Variants in LNX2 observed in about 807,000 individuals in gnomAD.
LNX2 encodes the protein ligand of Numb protein X 2.
In LNX2, 35 loss-of-function variants were observed where a neutral mutation model predicts 66.2. The ratio of observed to expected loss-of-function variants is 0.53; its 90% CI spans 0.40 to 0.70. LNX2 has a LOEUF of 0.70. Among genes scored for constraint, LNX2 ranks in the 30% least tolerant of loss-of-function variants. The probability of loss-of-function intolerance (pLI) is 0.00; values close to 1 mark genes in which losing one functional copy is unlikely to be tolerated. For missense variants in LNX2, 791 were observed against 850.8 expected (o/e 0.93, Z 0.87); for synonymous variants, 337 against 315.6 (o/e 1.07, Z -0.72).
intron 1 of LNX2, among the ~76,000 whole-genome samples, chr13:27,600,145 G>A (rs1955641388): frequency 1.3e-5 from 2 of 152,146 alleles, no homozygotes; most frequent in Non-Finnish European, 2.9e-5. Context: ...TTACTCTGGA[G>A]AGCTCACAGA....
chr13:27,573,611 G>T (rs528046850), intron 2 of LNX2, among the ~76,000 whole-genome samples: 9 of 150,754 alleles, frequency 6.0e-5, no homozygotes, highest in Non-Finnish European at 1.3e-4. Flanking sequence ...TGTCAGTGGC[G>T]TGAGTGTTGA....
chr13:27,551,066 T>A (rs1259216299), intron 8 of LNX2, among the ~76,000 whole-genome samples: 1 of 152,226 alleles, frequency 6.6e-6, no homozygotes, highest in East Asian at 1.9e-4. Flanking sequence ...AGGGAGACTC[T>A]AATTGCCAAA....
chr13:27,591,709 GA>G (rs1955548020), intron 1 of LNX2, among the ~76,000 whole-genome samples: 1 of 152,130 alleles, frequency 6.6e-6, no homozygotes, highest in Non-Finnish European at 1.5e-5. Flanking sequence ...CTGCCCTTGT[GA>G]AGTTAACAGG....
intron 2 of LNX2, among the ~76,000 whole-genome samples, chr13:27,575,712 C>T (rs780410108): frequency 1.5e-4 from 23 of 152,082 alleles, no homozygotes; most frequent in South Asian, 4.1e-4. Context: ...CAGCCAACTC[C>T]TCATATATTG....
intron 1 of LNX2, among the ~76,000 whole-genome samples, chr13:27,602,912 TTG>T (rs1955674628): frequency 1.3e-5 from 2 of 152,196 alleles, no homozygotes; most frequent in Non-Finnish European, 2.9e-5. Flanking sequence ...TTAAATCTAT[TTG>T]TAAGATACAG....
chr13:27,615,211 C>T (rs1177236665), intron 1 of LNX2, among the ~76,000 whole-genome samples: 1 of 152,230 alleles, frequency 6.6e-6, no homozygotes, highest in East Asian at 1.9e-4. Flanking sequence ...CCCATAACCC[C>T]TCTTTGGGTT....
chr13:27,619,371 T>C (rs1955865924), intron 1 of LNX2, among the ~76,000 whole-genome samples: 1 of 152,216 alleles, frequency 6.6e-6, no homozygotes, highest in African/African-American at 2.4e-5. Flanking sequence ...TAAATAAAAT[T>C]GATCTACTGA....
intron 1 of LNX2, among the ~76,000 whole-genome samples, chr13:27,606,378 G>GGA (rs1555270032): frequency 2.7e-4 from 32 of 118,166 alleles, no homozygotes; most frequent in African/African-American, 9.8e-4. Flanking sequence ...GATTTATAGC[G>GGA]AAAAAAAAAA....
chr13:27,587,207 C>T (rs919762022), intron 1 of LNX2, among the ~76,000 whole-genome samples: 1 of 152,044 alleles, frequency 6.6e-6, no homozygotes, highest in Non-Finnish European at 1.5e-5. Context: ...TAAGAATACC[C>T]TACCTCTCAA....
At chr13:27,612,748 G>A (rs534316824) in intron 1 of LNX2, among the ~76,000 whole-genome samples, 2 of 152,212 alleles carry the variant, frequency 1.3e-5, no homozygotes, top group East Asian at 3.9e-4. Flanking sequence ...ACAGGCATAT[G>A]ACACCACACC....
rs888202770 is a variant in LNX2 at position 27,547,332 on chromosome 13, G to A, written c.*1003C>T. On this transcript the variant is annotated 3_prime_UTR_variant, in exon 10 of 10. Transcript: ENST00000316334. ...TAATGCTTTTGGGCTGTTCAAGTAA[G>A]TGCAGCTTTACCATCTCTAACATTA... The A allele has an allele frequency of 3.3e-5, 5 of 152,160 alleles. No individual in the cohort carries two copies. The East Asian group carries it at 9.6e-4, about 29-fold the overall frequency. The allele number at this position is 152,160 out of a possible 1,614,324, so 9.4% of individuals were successfully genotyped here. A position where few individuals can be genotyped will look rare whatever the true frequency, so the allele number is the denominator to read the frequency against.
Position 27,559,870 on chromosome 13 carries a change from G to T in LNX2, c.1340C>A (p.Pro447Gln), listed in dbSNP as rs751520558. 2 of 1,606,728 alleles carry T rather than the reference G, an allele frequency of 1.2e-6. No homozygotes were observed. Among genetic ancestry groups the T allele is most frequent in the Non-Finnish European group, 1.7e-6 (2 of 1,175,230 alleles). The part of the protein sequence containing the change: ...SSSSQHHTPP[P>Q]YYSRPSSHKD... ...ATGTGAGCTTGGTCTGCTATAATACGGTGGTGGTGTGTGGTGCTGGCTGCT... is the reference window on the plus strand; with the variant it reads ...ATGTGAGCTTGGTCTGCTATAATACTGTGGTGGTGTGTGGTGCTGGCTGCT... Residue 447 changes from proline to glutamine, a missense_variant, in exon 6 of 10, where the codon CCG becomes CAG. By Grantham distance (76) the Pro-to-Gln change is moderately conservative (BLOSUM62 -1). Coordinates refer to ENST00000316334, the MANE Select transcript of LNX2 (RefSeq NM_153371.4).
Position 27,569,146 on chromosome 13 carries a change from A to T in LNX2, c.538T>A (p.Cys180Ser). ...PAGTLSPEAD[C>S]LGTGAVPVER... The stretch of plus-strand genomic sequence containing the variant: ...ACAGGCACTGCGCCTGTCCCCAAAC[A>T]GTCTGCTTCTGGAGATAAGGTACCT... The change falls in exon 3 of 10, where the codon TGT (cysteine) becomes AGT (serine). Residue 180 changes from cysteine to serine, a missense_variant. Cys to Ser is a moderately radical substitution (Grantham distance 112). Coordinates refer to ENST00000316334, the MANE Select transcript of LNX2 (RefSeq NM_153371.4). 6.2e-7 allele frequency: 1 copy of T among 1,612,706 alleles called. No homozygotes were observed. Among genetic ancestry groups the T allele is most frequent in the Non-Finnish European group, 8.5e-7 (1 of 1,179,580 alleles).
At chr13:27,580,371 C>A (rs1356228567) in intron 2 of LNX2, among the ~76,000 whole-genome samples, 5 of 152,122 alleles carry the variant, frequency 3.3e-5, no homozygotes, top group African/African-American at 7.2e-5. Flanking sequence ...CATTCTATAT[C>A]AGACTTACAC....
chr13:27,578,097 G>T (rs76791016), intron 2 of LNX2, among the ~76,000 whole-genome samples: 1 of 151,998 alleles, frequency 6.6e-6, no homozygotes, highest in Non-Finnish European at 1.5e-5. Flanking sequence ...TTTATCTGTA[G>T]GAGAAAAATG....
intron 4 of LNX2, among the ~76,000 whole-genome samples, chr13:27,563,733 T>C (rs1955170355): frequency 2.0e-5 from 3 of 152,188 alleles, no homozygotes; most frequent in Non-Finnish European, 4.4e-5. Context: ...AATTCTTACA[T>C]CTTTTTCACA....
At chr13:27,557,928 A>G (rs1385192407) in intron 6 of LNX2, among the ~76,000 whole-genome samples, 1 of 152,096 alleles carries the variant, frequency 6.6e-6, no homozygotes, top group Non-Finnish European at 1.5e-5. Flanking sequence ...AACCTTGAGT[A>G]TATTCATTTA....
rs146917857 is a variant in LNX2, at chr13:27,611,404, A to C, written c.-101+8971T>G. Among the ~76,000 whole-genome samples the C allele has an allele frequency of 4.1e-3, 617 of 152,322 alleles. 2 individuals are homozygous for C. The highest frequency in any genetic ancestry group is 0.014 in the African/African-American group (583 of 41,572). ...TTTACATGCGGTATCTAAAGTACTC[A>C]AATTCTAAAAAGTAGAAGAGTGGTT... On this transcript the variant is annotated intron_variant, in intron 1 of 9. Coordinates refer to ENST00000316334, the MANE Select transcript of LNX2 (RefSeq NM_153371.4).
intron 2 of LNX2, among the ~76,000 whole-genome samples, chr13:27,572,777 T>C (rs933527930): frequency 6.6e-6 from 1 of 152,204 alleles, no homozygotes; most frequent in African/African-American, 2.4e-5. Context: ...ATATTAGTAT[T>C]AATAGTGGGG....
Sources: gnomAD v4.1 joint callset for allele counts (sites outside exome capture counted in the v4.1 genomes callset) on GRCh38, gnomAD v4.1.1 for gene constraint, MANE v1.5 for transcripts, NCBI Gene and HGNC (gene_info 2026-07-23, HGNC 2026-07-21) for gene names.